The following MAP7 variants were observed in gnomAD, a reference collection of about 807,000 sequenced individuals.
The protein encoded by MAP7 is ensconsin.
Under a neutral mutation model 94.8 loss-of-function variants are expected in MAP7, and 52 were observed. The observed-to-expected ratio is 0.55, with a 90% CI of 0.44 to 0.69. The LOEUF is 0.69. Among genes scored for constraint, MAP7 ranks in the 30% least tolerant of loss-of-function variants. The pLI is 0.00. For synonymous variants in MAP7, 350 were observed against 357.0 expected (o/e 0.98, Z 0.22); for missense variants, 940 against 964.6 (o/e 0.97, Z 0.34).
intron 7 of MAP7, among the ~76,000 whole-genome samples, chr6:136,377,491 A>ATGTT (rs1412566530): frequency 6.6e-6 from 1 of 152,232 alleles, no homozygotes; most frequent in African/African-American, 2.4e-5. Context: ...TCTTCGGGTA[A>ATGTT]TGTTATGAAC....
At chr6:136,441,399 C>A (rs1403918664) in intron 1 of MAP7, among the ~76,000 whole-genome samples, 2 of 152,090 alleles carry the variant, frequency 1.3e-5, no homozygotes, top group Non-Finnish European at 2.9e-5. Flanking sequence ...AGAAAATGTT[C>A]ACGAAATCAA....
chr6:136,388,386 T>C lies in MAP7; in HGVS notation c.526+7A>G. 3 of 1,604,532 alleles carry C rather than the reference T, an allele frequency of 1.9e-6. No individual in the cohort carries two copies. Among genetic ancestry groups the C allele is most frequent in the Non-Finnish European group, 1.7e-6 (2 of 1,171,882 alleles). On this transcript the variant is annotated splice_region_variant and intron_variant, in intron 5 of 17. Coordinates refer to ENST00000354570, the MANE Select transcript of MAP7 (RefSeq NM_003980.6). ...AAAGACTAATTTTCAAAGTGGTCAC[T>C]GTTTACCTGCACTGTGGATGCTAGG...
chr6:136,523,278 T>C (rs762444163), intron 1 of MAP7, among the ~76,000 whole-genome samples: 38 of 152,092 alleles, frequency 2.5e-4, no homozygotes, highest in Admixed American at 4.6e-4. Flanking sequence ...CCCAACCATA[T>C]CCAACGTCAG....
intron 1 of MAP7, among the ~76,000 whole-genome samples, chr6:136,518,559 T>G (rs1255372361): frequency 6.6e-6 from 1 of 152,172 alleles, no homozygotes. Flanking sequence ...AAACTTAATA[T>G]AACATATGGA....
At chr6:136,511,719 T>C (rs1332220513) in intron 1 of MAP7, among the ~76,000 whole-genome samples, 40 of 152,180 alleles carry the variant, frequency 2.6e-4, no homozygotes, top group Admixed American at 2.2e-3. Flanking sequence ...AAGAGCTCAG[T>C]GGGAGTTTAA....
chr6:136,425,030 G>A (rs758728170), intron 1 of MAP7, among the ~76,000 whole-genome samples: 8 of 152,138 alleles, frequency 5.3e-5, no homozygotes, highest in African/African-American at 9.7e-5. Flanking sequence ...GGTAGTCCCT[G>A]ACCATACATA....
intron 1 of MAP7, among the ~76,000 whole-genome samples, chr6:136,534,026 A>T (rs1356719706): frequency 6.6e-6 from 1 of 152,220 alleles, no homozygotes; most frequent in Non-Finnish European, 1.5e-5. Context: ...ACCTTCAAAA[A>T]TCAGGAAAGA....
intron 1 of MAP7, chr6:136,476,184 G>C (rs764868120): frequency 4.6e-5 from 7 of 152,102 alleles, no homozygotes; most frequent in Non-Finnish European, 1.0e-4. Flanking sequence ...CTCCTCCCTA[G>C]CCTGGTTTAA....
chr6:136,473,760 T>G (rs1159154313), intron 1 of MAP7, among the ~76,000 whole-genome samples: 1 of 152,194 alleles, frequency 6.6e-6, no homozygotes, highest in Non-Finnish European at 1.5e-5. Flanking sequence ...TACGAACATT[T>G]AAAAAGAATA....
At chr6:136,502,191 T>C (rs1263579375) in intron 1 of MAP7, among the ~76,000 whole-genome samples, 4 of 152,256 alleles carry the variant, frequency 2.6e-5, no homozygotes, top group Non-Finnish European at 4.4e-5. Flanking sequence ...TTTGCAACAA[T>C]AGATCCAGCT....
At chr6:136,370,762 G>A (rs1484490816) in intron 8 of MAP7, among the ~76,000 whole-genome samples, 2 of 152,026 alleles carry the variant, frequency 1.3e-5, no homozygotes, top group African/African-American at 4.8e-5. Context: ...GGGGGGAGGG[G>A]GAAATGGGGA....
chr6:136,458,295 A>G (rs1439106988), intron 1 of MAP7, among the ~76,000 whole-genome samples: 1 of 152,172 alleles, frequency 6.6e-6, no homozygotes, highest in African/African-American at 2.4e-5. Context: ...ATAAATGGAA[A>G]GATATCCTAT....
At chr6:136,507,754 A>G (rs1375602188) in intron 1 of MAP7, among the ~76,000 whole-genome samples, 1 of 152,208 alleles carries the variant, frequency 6.6e-6, no homozygotes, top group African/African-American at 2.4e-5. Flanking sequence ...ACCCTATGAG[A>G]TAGGTGTCAC....
intron 3 of MAP7, among the ~76,000 whole-genome samples, chr6:136,390,881 T>C (rs1171715465): frequency 2.0e-5 from 3 of 152,112 alleles, no homozygotes; most frequent in South Asian, 4.1e-4. Flanking sequence ...CTGGCATCAT[T>C]CAGGGTGGTT....
At chr6:136,515,276 G>A (rs1262665154) in intron 1 of MAP7, among the ~76,000 whole-genome samples, 1 of 152,236 alleles carries the variant, frequency 6.6e-6, no homozygotes, top group African/African-American at 2.4e-5. Flanking sequence ...TTAAGAGAAC[G>A]TGTGGCTGGT....
chr6:136,495,099 T>C (rs574441658), intron 1 of MAP7, among the ~76,000 whole-genome samples: 2 of 152,282 alleles, frequency 1.3e-5, no homozygotes, highest in South Asian at 4.1e-4. Context: ...CCTCTTTATC[T>C]TTACCATTAC....
At chr6:136,376,017 CT>C (rs977589248) in intron 7 of MAP7, among the ~76,000 whole-genome samples, 2 of 152,110 alleles carry the variant, frequency 1.3e-5, no homozygotes, top group Non-Finnish European at 2.9e-5. Context: ...TGAGGCAGTC[CT>C]TTAGCACAAC....
At chr6:136,389,213 G>A in intron 4 of MAP7, 141 bp downstream of exon 4, 1 of 1,348,310 alleles carries the variant, frequency 7.4e-7, no homozygotes, top group Non-Finnish European at 9.7e-7. Context: ...GAACTCCCTA[G>A]AAACTGTAGC....
intron 1 of MAP7, among the ~76,000 whole-genome samples, chr6:136,453,500 A>G (rs768512982): frequency 1.3e-5 from 2 of 152,236 alleles, no homozygotes; most frequent in Admixed American, 6.5e-5. Flanking sequence ...CGGACAATCT[A>G]GTGAATGTTC....
Sources: allele counts gnomAD v4.1 joint callset (sites outside exome capture counted in the v4.1 genomes callset), GRCh38; gene constraint gnomAD v4.1.1; transcripts MANE v1.5; gene names NCBI Gene and HGNC (gene_info 2026-07-23, HGNC 2026-07-21).